Variants in AHCYL2 observed in about 807,000 individuals in gnomAD.
AHCYL2 encodes S-adenosylhomocysteine hydrolase-like protein 2.
Under a neutral mutation model 81.4 loss-of-function variants are expected in AHCYL2, and 28 were observed. That is an observed-to-expected ratio of 0.34 (90% CI 0.25 to 0.47). The LOEUF (loss-of-function observed/expected upper bound fraction) is 0.47, where lower values mean the gene tolerates loss of function less well. Ranked by LOEUF, AHCYL2 falls within the 20% of genes least tolerant of loss-of-function variation. The probability of loss-of-function intolerance (pLI) is 1.00; values close to 1 mark genes in which losing one functional copy is unlikely to be tolerated. For missense variants in AHCYL2, 551 were observed against 785.1 expected, an observed-to-expected ratio of 0.70 and a Z score of 3.56; for synonymous variants, 272 against 290.2, an observed-to-expected ratio of 0.94 and a Z score of 0.64.
intron 1 of AHCYL2, among the ~76,000 whole-genome samples, chr7:129,374,520 T>C (rs1391307747): frequency 6.7e-6 from 1 of 149,876 alleles, no homozygotes; most frequent in East Asian, 1.9e-4. Flanking sequence ...AAAAAAAAAA[T>C]CTGCCGGCTG....
chr7:129,380,737 T>C (rs997059965), intron 2 of AHCYL2, among the ~76,000 whole-genome samples: 1 of 152,142 alleles, frequency 6.6e-6, no homozygotes, highest in Non-Finnish European at 1.5e-5. Context: ...ACTACCTTTT[T>C]TGTGGGGTAG....
rs752963134 is a variant in AHCYL2, at chr7:129,284,871, A to AT, written c.363+59437dup. Among the ~76,000 whole-genome samples the AT allele has an allele frequency of 7.9e-5, 12 of 152,266 alleles. No individual in the cohort carries two copies. In the East Asian group the frequency reaches 2.3e-3, roughly 29 times the overall value. On this transcript the variant is annotated intron_variant, in intron 1 of 16. Coordinates refer to ENST00000325006, the MANE Select transcript of AHCYL2 (RefSeq NM_015328.4). The stretch of plus-strand genomic sequence containing the variant: ...TGAAATCATTAGTTTCTAGAGCTTT[A>AT]TTTTTGGCAAACTAGAATAATCCAA...
intron 1 of AHCYL2, among the ~76,000 whole-genome samples, chr7:129,280,687 T>C (rs998106721): frequency 1.3e-5 from 2 of 152,068 alleles, no homozygotes; most frequent in African/African-American, 4.8e-5. Context: ...AAGTATGATA[T>C]TAGCTGTTGT....
Position 129,368,682 on chromosome 7 carries a change from C to A in AHCYL2, c.364-10956C>A. ...CGTGGTTGGAAAAACAGTTATTACT[C>A]TACGTTCTGATTAGTTCCTAGGTAC... On this transcript the variant is annotated intron_variant, in intron 1 of 16. Coordinates refer to ENST00000325006, the MANE Select transcript of AHCYL2 (RefSeq NM_015328.4). The surrounding 1 kb of genome is among the most constrained non-coding windows in gnomAD (Gnocchi z 4.4). 1 of 1,106,214 alleles carries A rather than the reference C, an allele frequency of 9.0e-7. No individual in the cohort carries two copies. Among genetic ancestry groups the A allele is most frequent in the Non-Finnish European group, 1.3e-6 (1 of 745,322 alleles). 68.5% of individuals were successfully genotyped at this position (1,106,214 alleles called of 1,614,324 possible).
At chr7:129,320,468 C>T (rs1334143997) in intron 1 of AHCYL2, among the ~76,000 whole-genome samples, 1 of 152,118 alleles carries the variant, frequency 6.6e-6, no homozygotes, top group East Asian at 1.9e-4. Context: ...AGGTGCATGT[C>T]ACCATGCATA....
intron 1 of AHCYL2, among the ~76,000 whole-genome samples, chr7:129,234,868 A>C (rs1563160518): frequency 1.3e-5 from 2 of 152,102 alleles, no homozygotes. Context: ...CAGAATTCAC[A>C]CTTGCCCTAT....
intron 2 of AHCYL2, among the ~76,000 whole-genome samples, chr7:129,382,461 G>A (rs572156001): frequency 6.6e-6 from 1 of 152,232 alleles, no homozygotes; most frequent in East Asian, 1.9e-4. Flanking sequence ...TTAGCCAGGC[G>A]TCGTGGCGCA....
intron 1 of AHCYL2, among the ~76,000 whole-genome samples, chr7:129,318,054 T>C (rs1797887650): frequency 6.6e-6 from 1 of 152,330 alleles, no homozygotes; most frequent in East Asian, 1.9e-4. Context: ...TTTTATGTAG[T>C]GTGTTTTGAG....
At chr7:129,299,822 T>A (rs1797196716) in intron 1 of AHCYL2, among the ~76,000 whole-genome samples, 1 of 152,220 alleles carries the variant, frequency 6.6e-6, no homozygotes, top group South Asian at 2.1e-4. Context: ...GATGATTCTT[T>A]ACCCACACAT....
intron 1 of AHCYL2, among the ~76,000 whole-genome samples, chr7:129,366,646 CAT>C (rs1794128457): frequency 6.6e-6 from 1 of 151,998 alleles, no homozygotes; most frequent in Non-Finnish European, 1.5e-5. Flanking sequence ...CGTGGTGGTG[CAT>C]GCCTGTAATC....
At chr7:129,409,750 A>T (rs1181647169) in intron 11 of AHCYL2, among the ~76,000 whole-genome samples, 3 of 152,202 alleles carry the variant, frequency 2.0e-5, no homozygotes, top group African/African-American at 7.2e-5. Flanking sequence ...CTATGTAAAA[A>T]TGTTTCTCTT....
intron 1 of AHCYL2, among the ~76,000 whole-genome samples, chr7:129,338,360 T>A (rs1293114638): frequency 6.6e-6 from 1 of 151,726 alleles, no homozygotes; most frequent in African/African-American, 2.4e-5. Flanking sequence ...TCTTGCTGTT[T>A]CCCAGGCATG....
At chr7:129,235,742 G>T (rs1012768448) in intron 1 of AHCYL2, among the ~76,000 whole-genome samples, 2 of 152,072 alleles carry the variant, frequency 1.3e-5, no homozygotes, top group African/African-American at 4.8e-5. Flanking sequence ...ACATTGTTTT[G>T]CAGGTTCCTT....
chr7:129,406,988 C>G lies in AHCYL2; in HGVS notation c.1295+522C>G, dbSNP rs143006809. Among the ~76,000 whole-genome samples, 1 of 152,114 alleles carries G rather than the reference C, an allele frequency of 6.6e-6. No individual in the cohort carries two copies. The highest frequency in any genetic ancestry group is 1.5e-5 in the Non-Finnish European group (1 of 68,018). ...ATGATTCTAAAATTAAAAGTTAAAA[C>G]TTTTCTTATCTATAAAATGTGTGTA... is the stretch of plus-strand genomic sequence containing the variant. On this transcript the variant is annotated intron_variant, in intron 10 of 16. Transcript: ENST00000325006. This position sits in a 1 kb window ranked among gnomAD's most constrained non-coding sequence, Gnocchi z 4.3.
At chr7:129,349,951 T>C (rs1279403720) in intron 1 of AHCYL2, among the ~76,000 whole-genome samples, 2 of 152,236 alleles carry the variant, frequency 1.3e-5, no homozygotes, top group Non-Finnish European at 2.9e-5. Flanking sequence ...ATAGTTCTTA[T>C]TTATGAAAAA....
Position 129,352,937 on chromosome 7 carries a change from CTTTTTTTTTT to C in AHCYL2, c.364-26687_364-26678del, listed in dbSNP as rs59762582. ...ATGTTTAGGCCTTTACCTCCTCATT[CTTTTTTTTTT>C]TTTTTTTTTTTTTGGTGCAGAGTTT... On this transcript the variant is annotated intron_variant, in intron 1 of 16. Transcript: ENST00000325006. 7.3e-5 allele frequency among the ~76,000 whole-genome samples: 6 copies of C among 82,550 alleles called. No homozygotes were observed. In the East Asian group the frequency reaches 1.9e-3, roughly 26 times the overall value. The allele number at this position is 82,550 out of a possible 152,430, so 54.2% of individuals were successfully genotyped here.
intron 1 of AHCYL2, among the ~76,000 whole-genome samples, chr7:129,371,695 A>G (rs553383536): frequency 1.3e-5 from 2 of 152,304 alleles, no homozygotes; most frequent in East Asian, 3.9e-4. Flanking sequence ...GGAGATCAGC[A>G]ATAACTTTTT....
chr7:129,340,592 C>T (rs1417817454), intron 1 of AHCYL2, among the ~76,000 whole-genome samples: 2 of 151,952 alleles, frequency 1.3e-5, no homozygotes, highest in African/African-American at 4.8e-5. Context: ...AAAATTTCTC[C>T]CCTTTGTCGT....
intron 1 of AHCYL2, among the ~76,000 whole-genome samples, chr7:129,364,482 G>T (rs2150847329): frequency 6.6e-6 from 1 of 152,118 alleles, no homozygotes; most frequent in East Asian, 1.9e-4. Flanking sequence ...GTAGAGACGG[G>T]GTTTCACCAC....
Sources: gnomAD v4.1 joint callset for allele counts (sites outside exome capture counted in the v4.1 genomes callset) on GRCh38, gnomAD v4.1.1 for gene constraint, Gnocchi (gnomAD v3.1) non-coding constraint, MANE v1.5 for transcripts, NCBI Gene and HGNC (gene_info 2026-07-23, HGNC 2026-07-21) for gene names.